The following PHF14 variants were observed in gnomAD, a reference collection of about 807,000 sequenced individuals.
The protein encoded by PHF14 is PHD finger protein 14.
Under a neutral mutation model 117.9 loss-of-function variants are expected in PHF14, and 55 were observed. The observed-to-expected ratio is 0.47, with a 90% CI of 0.38 to 0.58. PHF14 has a LOEUF of 0.58. PHF14 is among the 20% of genes least tolerant of loss of function. The pLI is 0.00. For synonymous variants in PHF14, 409 were observed against 368.6 expected (o/e 1.11, Z -1.26); for missense variants, 978 against 1,122.2 (o/e 0.87, Z 1.84).
In PHF14 at chr7:11,061,997, T is replaced by C. The variant is rs756647718; in HGVS notation, c.2566T>C (p.Ser856Pro). 8.7e-6 allele frequency: 14 copies of C among 1,603,824 alleles called. No individual in the cohort carries two copies. The South Asian group carries it at 1.5e-4, about 17-fold the overall frequency. Residue 856 changes from serine to proline, a missense_variant, in exon 16 of 18, where the codon TCT (serine) becomes CCT (proline). This residue lies in a region of PHF14 where 180 missense variants were observed against 195.4 expected (regional missense o/e 0.92). Transcript: ENST00000634607. ...RVPRERRQRQSVLQKKPKAED... is the reference protein window; with the variant it reads ...RVPRERRQRQPVLQKKPKAED... ...TCCTAGAGAGAGAAGACAAAGACAG[T>C]CTGTGTTGCAAAAGAAGCCCAAGGC...
intron 16 of PHF14, among the ~76,000 whole-genome samples, chr7:11,095,356 T>A (rs1236954795): frequency 6.6e-6 from 1 of 152,224 alleles, no homozygotes; most frequent in Non-Finnish European, 1.5e-5. Flanking sequence ...GTCCAGGAAC[T>A]ACTTCTCCAG....
intron 7 of PHF14, among the ~76,000 whole-genome samples, chr7:11,030,019 A>ATTTTTGATACATGTAGCTG (rs1784067417): frequency 1.3e-5 from 2 of 151,878 alleles, no homozygotes; most frequent in Non-Finnish European, 2.9e-5. Context: ...TAGGAATTGT[A>ATTTTTGATACATGTAGCTG]TTTTTGATAC....
intron 13 of PHF14, among the ~76,000 whole-genome samples, chr7:11,049,250 A>G (rs952813288): frequency 6.6e-6 from 1 of 152,182 alleles, no homozygotes; most frequent in African/African-American, 2.4e-5. Context: ...AGGCGGGAGG[A>G]TCACCTGAGG....
intron 5 of PHF14, among the ~76,000 whole-genome samples, chr7:11,022,385 C>T (rs1367694584): frequency 6.6e-6 from 1 of 152,002 alleles, no homozygotes; most frequent in Non-Finnish European, 1.5e-5. Context: ...AGATTATTAC[C>T]CCAGCAGCTT....
intron 17 of PHF14, among the ~76,000 whole-genome samples, chr7:11,152,436 G>A (rs142119360): frequency 4.6e-5 from 7 of 152,042 alleles, no homozygotes; most frequent in African/African-American, 9.6e-5. Context: ...TATAAATAAC[G>A]AACGTAAATA....
chr7:11,067,775 A>G (rs1215435310), intron 16 of PHF14, among the ~76,000 whole-genome samples: 1 of 152,150 alleles, frequency 6.6e-6, no homozygotes, highest in East Asian at 1.9e-4. Context: ...GTGAAAGGTA[A>G]AGGAGAACTG....
chr7:10,991,732 GT>G (rs1219527366), intron 4 of PHF14, among the ~76,000 whole-genome samples: 1 of 136,840 alleles, frequency 7.3e-6, no homozygotes, highest in Non-Finnish European at 1.6e-5. Context: ...TTTCTTGTTT[GT>G]TTTTTTTTAA....
intron 16 of PHF14, 63 bp from the exon 17 acceptor site, chr7:11,111,287 C>T: frequency 1.3e-6 from 1 of 746,242 alleles, no homozygotes; most frequent in Admixed American, 2.5e-5. Flanking sequence ...TTTGTCTTTT[C>T]ATGAAGTAGA....
At chr7:11,026,738 TA>T (rs1370408774) in intron 6 of PHF14, among the ~76,000 whole-genome samples, 2,519 of 151,568 alleles carry the variant, frequency 0.017, 79 homozygotes, top group African/African-American at 0.058. Flanking sequence ...TTTTTTTTTT[TA>T]AATTTAATTT....
In PHF14 at chr7:11,051,796, T is replaced by G. The variant is rs1224208943; in HGVS notation, c.2481+16T>G. 2.5e-6 allele frequency: 4 copies of G among 1,609,938 alleles called. No homozygotes were observed. Among genetic ancestry groups the G allele is most frequent in the Non-Finnish European group, 3.4e-6 (4 of 1,177,128 alleles). ...AAGAAACACGGTAGTTTATTTTTTA[T>G]TTATCATAAGCATCATACAATTCTG... On this transcript the variant is annotated intron_variant, in intron 14 of 17. Transcript: ENST00000634607.
intron 17 of PHF14, among the ~76,000 whole-genome samples, chr7:11,134,084 A>G (rs1252001942): frequency 6.6e-6 from 1 of 151,978 alleles, no homozygotes; most frequent in Non-Finnish European, 1.5e-5. Context: ...TCTTGTCAGG[A>G]GTCAGAATTT....
chr7:11,162,070 GTCTTTTTTTTTTTTTTTTT>G (rs1200819354), intron 17 of PHF14, among the ~76,000 whole-genome samples: 84 of 84,656 alleles, frequency 9.9e-4, no homozygotes, highest in African/African-American at 2.9e-3. Context: ...TTAAAAATAT[GTCTTTTTTTTTTTTTTTTT>G]TTTTTTTTTT....
chr7:11,138,166 G>A (rs529528031), intron 17 of PHF14, among the ~76,000 whole-genome samples: 21 of 151,440 alleles, frequency 1.4e-4, no homozygotes, highest in African/African-American at 3.9e-4. Context: ...TCAGCCTCCC[G>A]AGTAGCTGGG....
intron 17 of PHF14, among the ~76,000 whole-genome samples, chr7:11,134,063 A>G (rs1193406013): frequency 1.3e-5 from 2 of 151,982 alleles, no homozygotes; most frequent in African/African-American, 4.8e-5. Flanking sequence ...GTGCCTGGGA[A>G]ATTTTTCTTG....
chr7:11,123,101 G>A (rs982462079), intron 17 of PHF14, among the ~76,000 whole-genome samples: 9 of 151,920 alleles, frequency 5.9e-5, no homozygotes, highest in African/African-American at 2.2e-4. Flanking sequence ...GGCTTCTCTA[G>A]GTTGGTTTCA....
At chr7:10,977,876 G>A (rs1303040380) in intron 2 of PHF14, among the ~76,000 whole-genome samples, 4 of 152,092 alleles carry the variant, frequency 2.6e-5, no homozygotes, top group Non-Finnish European at 4.4e-5. Flanking sequence ...TGAGACTTGG[G>A]CATAGGGTTG....
intron 3 of PHF14, 85 bp downstream of exon 3, chr7:10,983,244 T>G: frequency 6.9e-7 from 1 of 1,440,174 alleles, no homozygotes; most frequent in Non-Finnish European, 9.3e-7. Context: ...ATTAAGTGGC[T>G]TCCTTGAAAT....
rs533624515 is a variant in PHF14, at chr7:10,990,727, C to G, written c.925C>G (p.Gln309Glu). Reference sequence around the variant, plus strand: ...GGACTCGCTGATTCTTGAGAAGAGTCAAAACTGGAGCTCTCAAAAAATGGA... The same window carrying G: ...GGACTCGCTGATTCTTGAGAAGAGTGAAAACTGGAGCTCTCAAAAAATGGA... ...NEDSLILEKS[Q>E]NWSSQKMDHI... The change falls in exon 4 of 18, where the codon CAA becomes GAA. Residue 309 changes from glutamine (Q) to glutamate (E), a missense_variant. Coordinates refer to ENST00000634607, the MANE Select transcript of PHF14 (RefSeq NM_001007157.2). The G allele has an allele frequency of 2.1e-5, 32 of 1,554,186 alleles. No individual in the cohort carries two copies. Among genetic ancestry groups the G allele is most frequent in the Non-Finnish European group, 2.7e-5 (31 of 1,144,918 alleles).
At chr7:11,025,105 A>G (rs74871510) in intron 6 of PHF14, among the ~76,000 whole-genome samples, 1,835 of 152,298 alleles carry the variant, frequency 0.012, 42 homozygotes, top group African/African-American at 0.042. Flanking sequence ...AAGGGGTTGA[A>G]GAATTCAGTG....
Sources: allele counts gnomAD v4.1 joint callset (sites outside exome capture counted in the v4.1 genomes callset), GRCh38; gene constraint gnomAD v4.1.1; regional missense constraint gnomAD v4.1.1; transcripts MANE v1.5; gene names NCBI Gene and HGNC (gene_info 2026-07-23, HGNC 2026-07-21).